The following HCN1 variants were observed in gnomAD, a reference collection of about 807,000 sequenced individuals.
HCN1 encodes hyperpolarization activated cyclic nucleotide gated potassium channel 1.
HCN1 carries 13 observed loss-of-function variants against 78.9 expected under a neutral mutation model. The ratio of observed to expected loss-of-function variants is 0.16; its 90% CI spans 0.11 to 0.26. The LOEUF is 0.26. HCN1 is among the 10% of genes least tolerant of loss of function. The pLI is 1.00. For synonymous variants in HCN1, 552 were observed against 455.5 expected (o/e 1.21, Z -2.70); for missense variants, 810 against 1,154.3 (o/e 0.70, Z 4.32).
chr5:45,368,486 C>T (rs1215890450), intron 4 of HCN1, among the ~76,000 whole-genome samples: 1 of 151,980 alleles, frequency 6.6e-6, no homozygotes, highest in Non-Finnish European at 1.5e-5. Flanking sequence ...TATTTCTCTT[C>T]TATATCAACA....
At chr5:45,271,033 A>C (rs1744950867) in intron 6 of HCN1, among the ~76,000 whole-genome samples, 1 of 152,084 alleles carries the variant, frequency 6.6e-6, no homozygotes, top group Admixed American at 6.6e-5. Flanking sequence ...AATCAGTTAA[A>C]TATTACCATT....
intron 3 of HCN1, among the ~76,000 whole-genome samples, chr5:45,418,858 T>A (rs1177516817): frequency 6.6e-6 from 1 of 152,182 alleles, no homozygotes; most frequent in Admixed American, 6.5e-5. Flanking sequence ...AATTTGAAGA[T>A]TTATATATAA....
intron 2 of HCN1, chr5:45,480,250 A>C (rs1741619777): frequency 6.6e-6 from 1 of 152,358 alleles, no homozygotes; most frequent in Non-Finnish European, 1.5e-5. Flanking sequence ...ATTCTAATAC[A>C]AAAGTTATCA....
intron 2 of HCN1, among the ~76,000 whole-genome samples, chr5:45,602,791 T>G (rs1042835873): frequency 2.6e-5 from 4 of 152,122 alleles, no homozygotes; most frequent in Non-Finnish European, 4.4e-5. Context: ...CGAATACACA[T>G]GTACACAGTT....
rs559037221 is a variant in HCN1, at chr5:45,346,897, G to T, written c.1377+6203C>A. The stretch of plus-strand genomic sequence containing the variant: ...TGGGTGGAGCCCACCACAGCTCAAG[G>T]AGGCCTGCCTGCCTCTGTAGGCTCC... On this transcript the variant is annotated intron_variant, in intron 5 of 7. Transcript: ENST00000303230. 1.7e-4 allele frequency among the ~76,000 whole-genome samples: 26 copies of T among 152,344 alleles called. 1 individual carries two copies. Among genetic ancestry groups the T allele is most frequent in the African/African-American group, 6.3e-4 (26 of 41,598 alleles).
intron 3 of HCN1, among the ~76,000 whole-genome samples, chr5:45,424,117 TCCA>T (rs1389842479): frequency 6.2e-5 from 3 of 48,732 alleles, no homozygotes; most frequent in African/African-American, 2.2e-4. Flanking sequence ...CTACTAAAAA[TCCA>T]AAAAAAAAAA....
intron 2 of HCN1, chr5:45,642,309 C>T (rs773040035): frequency 1.3e-5 from 2 of 152,048 alleles, no homozygotes; most frequent in Non-Finnish European, 2.9e-5. Flanking sequence ...GTTTTTTCCT[C>T]CTGTATTAAC....
chr5:45,382,821 G>A (rs1450674355), intron 4 of HCN1, among the ~76,000 whole-genome samples: 1 of 152,100 alleles, frequency 6.6e-6, no homozygotes. Flanking sequence ...ATTACGAAAT[G>A]ATGAATACAC....
intron 2 of HCN1, among the ~76,000 whole-genome samples, chr5:45,504,549 G>A (rs982477527): frequency 1.3e-4 from 20 of 151,998 alleles, no homozygotes; most frequent in Admixed American, 4.6e-4. Context: ...GAATAGTGCC[G>A]CAATAAACAT....
At chr5:45,275,875 C>T (rs545913042) in intron 6 of HCN1, among the ~76,000 whole-genome samples, 1 of 152,182 alleles carries the variant, frequency 6.6e-6, no homozygotes, top group Admixed American at 6.6e-5. Flanking sequence ...CAGACCATTC[C>T]AAATTGTCCC....
chr5:45,617,241 C>T (rs1462385693), intron 2 of HCN1: 1 of 152,058 alleles, frequency 6.6e-6, no homozygotes, highest in Non-Finnish European at 1.5e-5. Context: ...TGTCTGTCAA[C>T]CTCTGCATTA....
chr5:45,562,525 C>CAAACAAAAAACA (rs1400706633), intron 2 of HCN1, among the ~76,000 whole-genome samples: 2 of 151,746 alleles, frequency 1.3e-5, no homozygotes, highest in African/African-American at 4.8e-5. Flanking sequence ...AACAAACAAA[C>CAAACAAAAAACA]AAAAAACCCT....
intron 2 of HCN1, among the ~76,000 whole-genome samples, chr5:45,529,372 A>T (rs1221668394): frequency 6.6e-6 from 1 of 151,964 alleles, no homozygotes; most frequent in African/African-American, 2.4e-5. Flanking sequence ...CCCAATTTTC[A>T]TGATTTCATT....
At chr5:45,348,182 C>T (rs552893103) in intron 5 of HCN1, among the ~76,000 whole-genome samples, 133 of 152,304 alleles carry the variant, frequency 8.7e-4, no homozygotes, top group African/African-American at 2.9e-3. Flanking sequence ...AGAAACTCTA[C>T]AAGCCAGAAG....
chr5:45,455,178 T>A (rs1441535597), intron 3 of HCN1, among the ~76,000 whole-genome samples: 1 of 151,932 alleles, frequency 6.6e-6, no homozygotes, highest in Non-Finnish European at 1.5e-5. Context: ...GAAGAGAAAA[T>A]AGGCTTGCAT....
In HCN1 at chr5:45,255,182, G is replaced by C. The variant is rs1268947175; in HGVS notation, c.*6739C>G. The C allele has an allele frequency of 1.3e-5, 2 of 152,202 alleles. No homozygotes were observed. Among genetic ancestry groups the C allele is most frequent in the Non-Finnish European group, 1.5e-5 (1 of 68,044 alleles). The allele number at this position is 152,202 out of a possible 1,614,324, so 9.4% of individuals were successfully genotyped here. The stretch of plus-strand genomic sequence containing the variant: ...AGGCTGGGTTAGACAGCGTGACCAA[G>C]AGTAAACTTTGGATGGTCCAGGATA... On this transcript the variant is annotated 3_prime_UTR_variant, in exon 8 of 8. Coordinates refer to ENST00000303230, the MANE Select transcript of HCN1 (RefSeq NM_021072.4).
At chr5:45,499,485 G>C (rs975366793) in intron 2 of HCN1, among the ~76,000 whole-genome samples, 1 of 152,130 alleles carries the variant, frequency 6.6e-6, no homozygotes, top group Admixed American at 6.5e-5. Context: ...TGCGCCCACT[G>C]TCTGGCACTC....
intron 5 of HCN1, among the ~76,000 whole-genome samples, chr5:45,309,544 A>G (rs576529212): frequency 3.3e-5 from 5 of 152,254 alleles, no homozygotes; most frequent in South Asian, 4.1e-4. Context: ...TGTTCCTTCA[A>G]TACCTAATTT....
At chr5:45,348,956 C>T (rs1746818205) in intron 5 of HCN1, among the ~76,000 whole-genome samples, 1 of 152,182 alleles carries the variant, frequency 6.6e-6, no homozygotes, top group Non-Finnish European at 1.5e-5. Flanking sequence ...CAACATTAGA[C>T]AGATTAACGA....
Sources: gnomAD v4.1 joint callset for allele counts (sites outside exome capture counted in the v4.1 genomes callset) on GRCh38, gnomAD v4.1.1 for gene constraint, MANE v1.5 for transcripts, NCBI Gene and HGNC (gene_info 2026-07-23, HGNC 2026-07-21) for gene names.